Variants in HERC1 observed in about 807,000 individuals in gnomAD.
The protein encoded by HERC1 is probable E3 ubiquitin-protein ligase HERC1.
In HERC1, 160 loss-of-function variants were observed where a neutral mutation model predicts 554.3. The observed-to-expected ratio is 0.29, with a 90% CI of 0.25 to 0.33. HERC1 has a LOEUF of 0.33. HERC1 is among the 10% of genes least tolerant of loss of function. The probability of loss-of-function intolerance (pLI) is 1.00; values close to 1 mark genes in which losing one functional copy is unlikely to be tolerated. For synonymous variants in HERC1, 2,175 were observed against 2,131.7 expected, an observed-to-expected ratio of 1.02 and a Z score of -0.56; for missense variants, 4,919 against 5,918.5, an observed-to-expected ratio of 0.83 and a Z score of 5.54.
Position 63,658,620 on chromosome 15 carries a change from T to C in HERC1, c.9523A>G (p.Arg3175Gly). 6.2e-7 allele frequency: 1 copy of C among 1,614,010 alleles called. No homozygotes were observed. Reference protein sequence around the residue: ...ANPHDRVVALRRVTAAAQVLL... With the variant: ...ANPHDRVVALGRVTAAAQVLL... Reference sequence around the variant, plus strand: ...ACCTGAGCAGCAGCAGTCACTCTCCTTAAAGCCACCACACGGTCATGAGGG... The same window carrying C: ...ACCTGAGCAGCAGCAGTCACTCTCCCTAAAGCCACCACACGGTCATGAGGG... The change falls in exon 48 of 78, where the codon AGG becomes GGG. Residue 3175 changes from arginine (R) to glycine (G), a missense_variant. Transcript: ENST00000443617.
chr15:63,828,488 C>A (rs1453928642), intron 1 of HERC1, among the ~76,000 whole-genome samples: 3 of 151,932 alleles, frequency 2.0e-5, no homozygotes, highest in Admixed American at 2.0e-4. Context: ...TACAGGCAAG[C>A]GCCACCACAC....
chr15:63,830,943 A>G (rs2078131317), intron 1 of HERC1, among the ~76,000 whole-genome samples: 1 of 152,184 alleles, frequency 6.6e-6, no homozygotes, highest in Admixed American at 6.5e-5. Context: ...AGTTAAAGAA[A>G]ATGCTAGCAG....
chr15:63,686,320 A>G, intron 34 of HERC1, 39 bp downstream of exon 34: 1 of 1,500,274 alleles, frequency 6.7e-7, no homozygotes, highest in Non-Finnish European at 9.0e-7. Flanking sequence ...AAAAGGACTA[A>G]AAGACAAAAT....
chr15:63,755,191 T>G, intron 6 of HERC1, 38 bp downstream of exon 6: 1 of 1,384,592 alleles, frequency 7.2e-7, no homozygotes, highest in Non-Finnish European at 1.0e-6. Flanking sequence ...CATTTCTAAT[T>G]TTCTAGAAGA....
At chr15:63,797,544 T>TGACCAATCAACATTCCCC (rs1223719340) in intron 1 of HERC1, among the ~76,000 whole-genome samples, 1 of 152,182 alleles carries the variant, frequency 6.6e-6, no homozygotes, top group African/African-American at 2.4e-5. Flanking sequence ...TTTTTTTCCC[T>TGACCAATCAACATTCCCC]GACCAATCAA....
chr15:63,617,571 G>A (rs2067877408), intron 74 of HERC1, among the ~76,000 whole-genome samples: 1 of 152,194 alleles, frequency 6.6e-6, no homozygotes, highest in East Asian at 1.9e-4. Flanking sequence ...CTAGATCCAT[G>A]AGGAATCACC....
At chr15:63,829,561 G>GTGTGTGTATGTATATATA (rs1220043639) in intron 1 of HERC1, among the ~76,000 whole-genome samples, 1 of 81,762 alleles carries the variant, frequency 1.2e-5, no homozygotes, top group Non-Finnish European at 2.4e-5. Flanking sequence ...GTGTGTGTGT[G>GTGTGTGTATGTATATATA]TATATATATA....
At position 63,686,394 on chromosome 15, in the gene HERC1, A is replaced by C; in HGVS notation, c.6190T>G (p.Ser2064Ala). ...TAGCACCCAGAAGTTACTCCTGTAG[A>C]TGCCAATCCATATCCTTTCCCTCCA... ...GSGGKGYGLA[S>A]TGVTSGCYQW... Residue 2064 changes from serine to alanine, a missense_variant, in exon 34 of 78, where the codon TCT becomes GCT. Around this residue, in one of 11 missense-constraint regions of HERC1, gnomAD observed 85 missense variants for 163.2 expected, o/e 0.52. Coordinates refer to ENST00000443617, the MANE Select transcript of HERC1 (RefSeq NM_003922.4). The C allele has an allele frequency of 6.2e-7, 1 of 1,613,370 alleles. No individual in the cohort carries two copies. Among genetic ancestry groups the C allele is most frequent in the Non-Finnish European group, 8.5e-7 (1 of 1,179,664 alleles).
intron 1 of HERC1, among the ~76,000 whole-genome samples, chr15:63,830,048 G>C (rs982049036): frequency 6.6e-6 from 1 of 152,114 alleles, no homozygotes; most frequent in Non-Finnish European, 1.5e-5. Context: ...ATCATGATTA[G>C]CCAAACACCA....
rs904641372 is a variant in HERC1, at chr15:63,694,009, TTTC to T, written c.5626_5628del (p.Glu1876del). On this transcript the variant is annotated inframe_deletion, in exon 30 of 78. Transcript: ENST00000443617. The surrounding 1 kb of genome is among the most constrained non-coding windows in gnomAD (Gnocchi z 4.3). ...GTTTCTCCACTGGAGTCAACTTTTT[TTTC>T]TTCTTCTTCACCGTCTTCTTGCTCC... The T allele has an allele frequency of 2.6e-6, 4 of 1,565,078 alleles. No individual in the cohort carries two copies. The highest frequency in any genetic ancestry group is 3.8e-5 in the Admixed American group (2 of 52,166).
rs1247887778 is a variant in HERC1 at position 63,674,985 on chromosome 15, G to A, written c.7203C>T (p.Gly2401=). The change falls in exon 38 of 78, where the codon GGC becomes GGT. Residue 2401 remains glycine, a synonymous_variant. Transcript: ENST00000443617. ...SVLLDLTYLT[G]VHEDMGKQST... The stretch of plus-strand genomic sequence containing the variant: ...TCTGTTTGCCCATGTCTTCATGAAC[G>A]CCAGTGAGATATGTTAGGTCCAGCA... 2 of 1,613,986 alleles carry A rather than the reference G, an allele frequency of 1.2e-6. No individual in the cohort carries two copies. Among genetic ancestry groups the A allele is most frequent in the Non-Finnish European group, 1.7e-6 (2 of 1,179,880 alleles).
Position 63,802,949 on chromosome 15 carries a change from C to T in HERC1, c.-26-27300G>A, listed in dbSNP as rs1181991021. 3.3e-5 allele frequency among the ~76,000 whole-genome samples: 5 copies of T among 152,296 alleles called. No homozygotes were observed. In the South Asian group the frequency reaches 1.0e-3, roughly 32 times the overall value. On this transcript the variant is annotated intron_variant, in intron 1 of 77. Transcript: ENST00000443617. Reference sequence around the variant, plus strand: ...TAGGGGCTGCGTGTGGTGGCTCATGCCTATAATCCCAACACTTCGGGAGGC... The same window carrying T: ...TAGGGGCTGCGTGTGGTGGCTCATGTCTATAATCCCAACACTTCGGGAGGC...
At chr15:63,823,357 C>A (rs74019043) in intron 1 of HERC1, among the ~76,000 whole-genome samples, 2 of 152,142 alleles carry the variant, frequency 1.3e-5, no homozygotes, top group African/African-American at 4.8e-5. Flanking sequence ...TAAATAAATA[C>A]AGATGTAGAA....
chr15:63,759,064 T>C (rs2075524084), intron 3 of HERC1, among the ~76,000 whole-genome samples: 2 of 152,174 alleles, frequency 1.3e-5, no homozygotes, highest in Non-Finnish European at 2.9e-5. Context: ...TAGAGTCTAT[T>C]TATTTGTTAT....
rs1009377708 is a variant in HERC1, at chr15:63,663,086, A to G, written c.8799T>C (p.Asp2933=). The G allele has an allele frequency of 2.5e-6, 4 of 1,613,942 alleles. No individual in the cohort carries two copies. The highest frequency in any genetic ancestry group is 3.4e-6 in the Non-Finnish European group (4 of 1,179,864). ...TAGCTTCCATCGCCTCATCATCAAG[A>G]TCAATTTCCAATTCCTCATCTAAAT... ...DFNLDEELEI[D]LDDEAMEAMF... Residue 2933 remains aspartate, a synonymous_variant, in exon 44 of 78, where the codon GAT becomes GAC. Transcript: ENST00000443617.
At chr15:63,627,407 C>T (rs2068346104) in intron 70 of HERC1, among the ~76,000 whole-genome samples, 1 of 152,130 alleles carries the variant, frequency 6.6e-6, no homozygotes, top group African/African-American at 2.4e-5. Flanking sequence ...CACAGTGGCT[C>T]ACACCTGTAA....
chr15:63,733,113 C>T lies in HERC1; in HGVS notation c.2679G>A (p.Leu893=). 6.2e-7 allele frequency: 1 copy of T among 1,613,578 alleles called. No individual in the cohort carries two copies. The highest frequency in any genetic ancestry group is 8.5e-7 in the Non-Finnish European group (1 of 1,179,566). Residue 893 remains leucine, a synonymous_variant, in exon 14 of 78, where the codon TTG becomes TTA. Transcript: ENST00000443617. ...RMQLDIILTS[L]QDHTHVASLL... is the part of the protein sequence containing the mutation. The stretch of plus-strand genomic sequence containing the variant: ...GGGAGGCTACGTGGGTATGATCTTG[C>T]AAACTTGTCAGGATGATATCCAGTT...
rs1369601677 is a variant in HERC1 at position 63,616,285 on chromosome 15, C to T, written c.13941+145G>A. ...AGCTGTTTAAACTGCTGCGGTTGAG[C>T]TGCTAAGGGCAGCAATGGCATAGAT... On this transcript the variant is annotated intron_variant, in intron 75 of 77. Transcript: ENST00000443617. 3.6e-6 allele frequency: 3 copies of T among 827,880 alleles called. No homozygotes were observed. The African/African-American group carries it at 5.1e-5, about 14-fold the overall frequency. 51.3% of individuals were successfully genotyped at this position (827,880 alleles called of 1,614,324 possible).
chr15:63,754,723 A>C, intron 6 of HERC1, 75 bp from the exon 7 acceptor site: 1 of 1,361,614 alleles, frequency 7.3e-7, no homozygotes, highest in Non-Finnish European at 1.0e-6. Context: ...CACAAGTATA[A>C]TAAATGTTAC....
Sources: gnomAD v4.1 joint callset for allele counts (sites outside exome capture counted in the v4.1 genomes callset) on GRCh38, gnomAD v4.1.1 for gene constraint, gnomAD v4.1.1 regional missense constraint, Gnocchi (gnomAD v3.1) non-coding constraint, MANE v1.5 for transcripts, NCBI Gene and HGNC (gene_info 2026-07-23, HGNC 2026-07-21) for gene names.